Variants in LRP1B observed in about 807,000 individuals in gnomAD.
LRP1B encodes LDL receptor related protein 1B, also known as low-density lipoprotein receptor-related protein 1B.
LRP1B carries 217 observed loss-of-function variants against 556.6 expected under a neutral mutation model. The observed-to-expected ratio is 0.39, with a 90% CI of 0.35 to 0.44. The LOEUF is 0.44. Ranked by LOEUF, LRP1B falls within the 20% of genes least tolerant of loss-of-function variation. The pLI is 1.00. For missense variants in LRP1B, 5,053 were observed against 5,620.8 expected (o/e 0.90, Z 3.23); for synonymous variants, 2,047 against 1,865.8 (o/e 1.10, Z -2.50).
chr2:140,766,246 AG>A lies in LRP1B; in HGVS notation c.5758+2966del, dbSNP rs1168409452. Among the ~76,000 whole-genome samples the A allele has an allele frequency of 7.9e-5, 12 of 152,114 alleles. 1 individual carries two copies. In the South Asian group the frequency reaches 2.5e-3, roughly 32 times the overall value. On this transcript the variant is annotated intron_variant, in intron 35 of 90. Coordinates refer to ENST00000389484, the MANE Select transcript of LRP1B (RefSeq NM_018557.3). ...CAAGTAGAGACTGACACAACAAAAA[AG>A]GTTTCTTTTATCTCTTTCTCTGAGG...
At chr2:141,015,530 C>T (rs1406313258) in intron 13 of LRP1B, among the ~76,000 whole-genome samples, 166 bp downstream of exon 13, 1 of 152,032 alleles carries the variant, frequency 6.6e-6, no homozygotes, top group Non-Finnish European at 1.5e-5. Flanking sequence ...AGGCAAGTGC[C>T]AGCTGCACTA....
chr2:141,382,227 C>T, intron 3 of LRP1B, among the ~76,000 whole-genome samples: 1 of 152,118 alleles, frequency 6.6e-6, no homozygotes, highest in East Asian at 1.9e-4. Flanking sequence ...GACTCCAGCC[C>T]CCTTCAACTG....
intron 2 of LRP1B, among the ~76,000 whole-genome samples, chr2:141,597,523 T>C (rs1687568506): frequency 1.3e-5 from 2 of 152,120 alleles, no homozygotes; most frequent in African/African-American, 4.8e-5. Flanking sequence ...TATAGAATGT[T>C]TACAGTTCAT....
chr2:141,388,578 T>C (rs1689928094), intron 3 of LRP1B, among the ~76,000 whole-genome samples: 1 of 152,130 alleles, frequency 6.6e-6, no homozygotes, highest in African/African-American at 2.4e-5. Context: ...AGTTTGAAAG[T>C]TTTCACCCTA....
intron 32 of LRP1B, among the ~76,000 whole-genome samples, chr2:140,811,386 C>A (rs149700938): frequency 6.6e-6 from 1 of 152,126 alleles, no homozygotes; most frequent in Non-Finnish European, 1.5e-5. Flanking sequence ...ACTCAAAACA[C>A]GGTCAGCAGC....
chr2:141,349,221 A>T (rs1280277939), intron 3 of LRP1B, among the ~76,000 whole-genome samples: 1 of 152,092 alleles, frequency 6.6e-6, no homozygotes, highest in Non-Finnish European at 1.5e-5. Flanking sequence ...TAATCAATAA[A>T]TATGGCCACA....
chr2:141,969,194 A>G (rs1270385099), intron 1 of LRP1B, among the ~76,000 whole-genome samples: 1 of 151,422 alleles, frequency 6.6e-6, no homozygotes, highest in Non-Finnish European at 1.5e-5. Flanking sequence ...TCATGCATAC[A>G]ATGTGGAATA....
At chr2:141,436,804 A>G (rs184204455) in intron 3 of LRP1B, among the ~76,000 whole-genome samples, 5 of 152,302 alleles carry the variant, frequency 3.3e-5, no homozygotes, top group Admixed American at 6.5e-5. Flanking sequence ...AGGGAAGTAA[A>G]CCATTTATAC....
intron 32 of LRP1B, among the ~76,000 whole-genome samples, chr2:140,795,163 T>A (rs1690260795): frequency 1.3e-5 from 2 of 152,178 alleles, no homozygotes; most frequent in African/African-American, 2.4e-5. Flanking sequence ...TTGTAAAGGT[T>A]CTGTGTCACC....
chr2:140,379,433 C>T (rs977446321), intron 67 of LRP1B, among the ~76,000 whole-genome samples: 6 of 152,100 alleles, frequency 3.9e-5, no homozygotes, highest in African/African-American at 1.2e-4. Context: ...CGGTGGCTCA[C>T]GCCTGTAATC....
chr2:140,538,937 CATT>C (rs1286293465), intron 45 of LRP1B, among the ~76,000 whole-genome samples: 2 of 152,068 alleles, frequency 1.3e-5, no homozygotes, highest in African/African-American at 2.4e-5. Context: ...CAAAAACAAA[CATT>C]GTATGAATAC....
intron 7 of LRP1B, among the ~76,000 whole-genome samples, chr2:141,177,072 G>A (rs1680768226): frequency 6.6e-6 from 1 of 151,998 alleles, no homozygotes; most frequent in Admixed American, 6.6e-5. Flanking sequence ...CTACTGAAAT[G>A]TAGCAGAACT....
intron 2 of LRP1B, among the ~76,000 whole-genome samples, chr2:141,628,879 A>G (rs1468573042): frequency 2.6e-5 from 4 of 152,046 alleles, no homozygotes; most frequent in Non-Finnish European, 5.9e-5. Context: ...TGAACCCCTG[A>G]GCTCAAGTGA....
intron 32 of LRP1B, among the ~76,000 whole-genome samples, chr2:140,803,260 G>GT (rs11352164): frequency 0.014 from 1,437 of 102,016 alleles, 193 homozygotes; most frequent in African/African-American, 0.03. Flanking sequence ...CCTATTGAAA[G>GT]TTTTTTTTTT....
chr2:141,983,977 C>T (rs1012366104), intron 1 of LRP1B, among the ~76,000 whole-genome samples: 1 of 152,148 alleles, frequency 6.6e-6, no homozygotes, highest in Non-Finnish European at 1.5e-5. Context: ...AGGAGAATCG[C>T]TTGAACCCTG....
chr2:140,977,653 G>A lies in LRP1B; in HGVS notation c.2887+4507C>T, dbSNP rs73964765. ...TAAAAACTGTAATTACTTTTGCACT[G>A]ACCTAATAGAAATATAAATTCTTGG... On this transcript the variant is annotated intron_variant, in intron 18 of 90. Coordinates refer to ENST00000389484, the MANE Select transcript of LRP1B (RefSeq NM_018557.3). 8.7e-3 allele frequency among the ~76,000 whole-genome samples: 1,322 copies of A among 151,952 alleles called. 22 individuals are homozygous for A. Among genetic ancestry groups the A allele is most frequent in the African/African-American group, 0.03 (1,243 of 41,448 alleles).
intron 7 of LRP1B, among the ~76,000 whole-genome samples, chr2:141,087,931 G>C (rs1455093380): frequency 6.6e-6 from 1 of 152,090 alleles, no homozygotes; most frequent in East Asian, 1.9e-4. Context: ...TAATTCTTAA[G>C]AAAAGTGAAG....
At chr2:140,421,083 C>T (rs1381484168) in intron 66 of LRP1B, among the ~76,000 whole-genome samples, 1 of 151,958 alleles carries the variant, frequency 6.6e-6, no homozygotes, top group Non-Finnish European at 1.5e-5. Flanking sequence ...TGGTGAAATC[C>T]CATATCTGCT....
intron 86 of LRP1B, among the ~76,000 whole-genome samples, chr2:140,268,606 C>T (rs1490361947): frequency 6.6e-6 from 1 of 151,874 alleles, no homozygotes; most frequent in Non-Finnish European, 1.5e-5. Flanking sequence ...ATCTCTAAAG[C>T]TCAAATGCAC....
Sources: allele counts gnomAD v4.1 joint callset (sites outside exome capture counted in the v4.1 genomes callset), GRCh38; gene constraint gnomAD v4.1.1; transcripts MANE v1.5; gene names NCBI Gene and HGNC (gene_info 2026-07-23, HGNC 2026-07-21).